FAM13A: variants seen among roughly 807,000 people sequenced by gnomAD.
The protein encoded by FAM13A is protein FAM13A.
A neutral mutation model predicts 129.6 loss-of-function variants in FAM13A; 76 were observed. The ratio of observed to expected loss-of-function variants is 0.59; its 90% CI spans 0.49 to 0.71. The LOEUF is 0.71. FAM13A is among the 30% of genes least tolerant of loss of function. FAM13A has a pLI of 0.00. For synonymous variants in FAM13A, 443 were observed against 449.9 expected, an observed-to-expected ratio of 0.98 and a Z score of 0.20; for missense variants, 1,108 against 1,249.3, an observed-to-expected ratio of 0.89 and a Z score of 1.70.
At chr4:88,981,125 T>C (rs956322997) in intron 4 of FAM13A, among the ~76,000 whole-genome samples, 1 of 148,648 alleles carries the variant, frequency 6.7e-6, no homozygotes. Flanking sequence ...TTTCAAGGAA[T>C]AGAATTAATT....
intron 11 of FAM13A, 65 bp downstream of exon 11, chr4:88,781,100 A>G (rs1037465238): frequency 1.9e-5 from 22 of 1,164,962 alleles, no homozygotes; most frequent in Non-Finnish European, 2.5e-5. Context: ...TAATTTTTTT[A>G]CAAAGCAAAG....
At chr4:89,029,313 T>G (rs987160505) in intron 2 of FAM13A, 147 bp downstream of exon 2, 27 of 662,206 alleles carry the variant, frequency 4.1e-5, no homozygotes, top group Non-Finnish European at 6.6e-5. Flanking sequence ...CTTTTTTAAA[T>G]GAAAAGTATA....
At chr4:88,871,170 T>C (rs982105115) in intron 6 of FAM13A, among the ~76,000 whole-genome samples, 13 of 152,108 alleles carry the variant, frequency 8.5e-5, no homozygotes, top group Admixed American at 7.2e-4. Context: ...CAAAGGTAGA[T>C]AAAACCACAA....
chr4:89,021,303 T>TA (rs1560833721), intron 2 of FAM13A, among the ~76,000 whole-genome samples: 1 of 152,224 alleles, frequency 6.6e-6, no homozygotes, highest in African/African-American at 2.4e-5. Context: ...CTGGAGCTGT[T>TA]ACGCTGTGAA....
intron 10 of FAM13A, among the ~76,000 whole-genome samples, chr4:88,782,526 C>T (rs1427261292): frequency 6.6e-6 from 1 of 152,038 alleles, no homozygotes; most frequent in Non-Finnish European, 1.5e-5. Context: ...TGAAAGATAA[C>T]ATTAAATATT....
intron 11 of FAM13A, among the ~76,000 whole-genome samples, chr4:88,780,392 A>AT: frequency 6.6e-6 from 1 of 152,138 alleles, no homozygotes; most frequent in Non-Finnish European, 1.5e-5. Flanking sequence ...GATATTGCCT[A>AT]TTTTTATTAG....
At chr4:88,765,547 T>C (rs112157983) in intron 13 of FAM13A, among the ~76,000 whole-genome samples, 2,146 of 152,324 alleles carry the variant, frequency 0.014, 41 homozygotes, top group African/African-American at 0.049. Flanking sequence ...GTGTAAGTTT[T>C]AGGAAGGACT....
Position 88,887,615 on chromosome 4 carries a change from T to C in FAM13A, c.843+18764A>G, listed in dbSNP as rs139771721. Among the ~76,000 whole-genome samples the C allele has an allele frequency of 3.7e-3, 557 of 151,780 alleles. 5 individuals are homozygous for C. The highest frequency in any genetic ancestry group is 0.018 in the Admixed American group (272 of 15,240). ...GCATGATCTCAGCTCACTGCAGCCTTTGCCTCGAGGGATCAAGTGATTCTC... is the reference window on the plus strand; with the variant it reads ...GCATGATCTCAGCTCACTGCAGCCTCTGCCTCGAGGGATCAAGTGATTCTC... On this transcript the variant is annotated intron_variant, in intron 6 of 23. Transcript: ENST00000264344.
intron 13 of FAM13A, among the ~76,000 whole-genome samples, chr4:88,766,874 T>C (rs1474542136): frequency 6.6e-6 from 1 of 152,092 alleles, no homozygotes; most frequent in African/African-American, 2.4e-5. Flanking sequence ...ACTGATAAGA[T>C]TGAAGGTGGA....
chr4:89,042,751 TTA>T (rs578201920), intron 1 of FAM13A, among the ~76,000 whole-genome samples: 50 of 98,108 alleles, frequency 5.1e-4, no homozygotes, highest in African/African-American at 1.8e-3. Context: ...AAATTTCTCT[TTA>T]TGTTTTTTTC....
chr4:88,728,377 G>T lies in FAM13A; in HGVS notation c.*156C>A. ...CTTCTTCCAGCCAGTTTCTAAGGCA[G>T]GCAATGGAAACAGGAGCCGATGCCA... On this transcript the variant is annotated 3_prime_UTR_variant, in exon 24 of 24. Transcript: ENST00000264344. 3 of 806,996 alleles carry T rather than the reference G, an allele frequency of 3.7e-6. No homozygotes were observed. The highest frequency in any genetic ancestry group is 5.8e-6 in the Non-Finnish European group (3 of 515,380). The allele number at this position is 806,996 out of a possible 1,614,324, so 50.0% of individuals were successfully genotyped here.
At chr4:88,931,567 A>T (rs1270634014) in intron 5 of FAM13A, among the ~76,000 whole-genome samples, 1 of 152,094 alleles carries the variant, frequency 6.6e-6, no homozygotes, top group Non-Finnish European at 1.5e-5. Context: ...AATCTGTTCA[A>T]AATGTATCTA....
intron 3 of FAM13A, among the ~76,000 whole-genome samples, chr4:89,015,108 T>C (rs1439906704): frequency 2.0e-5 from 3 of 152,188 alleles, no homozygotes; most frequent in Admixed American, 6.6e-5. Flanking sequence ...TGGTCTCCTG[T>C]AGCGCTCCCA....
chr4:88,809,809 G>A (rs1729292340), intron 7 of FAM13A, among the ~76,000 whole-genome samples: 1 of 150,428 alleles, frequency 6.6e-6, no homozygotes, highest in South Asian at 2.1e-4. Flanking sequence ...CTGTTCTGTT[G>A]CTTAGGTTTT....
At chr4:88,758,573 GCAA>G (rs1744171898) in intron 14 of FAM13A, among the ~76,000 whole-genome samples, 178 bp downstream of exon 14, 1 of 152,122 alleles carries the variant, frequency 6.6e-6, no homozygotes, top group African/African-American at 2.4e-5. Flanking sequence ...ACTGCCCTCA[GCAA>G]CATTTACCCT....
At position 88,876,686 on chromosome 4, in the gene FAM13A, A is replaced by G. The variant is rs535669918; in HGVS notation, c.844-25503T>C. On this transcript the variant is annotated intron_variant, in intron 6 of 23. Coordinates refer to ENST00000264344, the MANE Select transcript of FAM13A (RefSeq NM_014883.4). ...GGCTCACTGCAAGCTCTGCCTCCCG[A>G]GTTCATGCCATTCTCCTGCCTCGGC... 6.0e-3 allele frequency among the ~76,000 whole-genome samples: 913 copies of G among 151,890 alleles called. 7 individuals are homozygous for G. Among genetic ancestry groups the G allele is most frequent in the Middle Eastern group, 0.034 (10 of 294 alleles).
At chr4:88,823,467 A>G (rs188147122) in intron 7 of FAM13A, 31 of 299,844 alleles carry the variant, frequency 1.0e-4, no homozygotes, top group African/African-American at 7.0e-4. Flanking sequence ...GAGCAGTTCC[A>G]CAGACAAGAT....
rs1211164038 is a variant in FAM13A at position 88,864,394 on chromosome 4, T to C, written c.844-13211A>G. 5.3e-5 allele frequency among the ~76,000 whole-genome samples: 8 copies of C among 152,288 alleles called. No homozygotes were observed. The East Asian group carries it at 1.4e-3, about 26-fold the overall frequency. On this transcript the variant is annotated intron_variant, in intron 6 of 23. Transcript: ENST00000264344. Reference sequence around the variant, plus strand: ...AATCAAGATGATTGCTAGCATTTCATTGTGTTTGTGATCTTATTTATTTAT... The same window carrying C: ...AATCAAGATGATTGCTAGCATTTCACTGTGTTTGTGATCTTATTTATTTAT...
chr4:88,989,430 C>T lies in FAM13A; in HGVS notation c.605+1543G>A, dbSNP rs532186442. 6.9e-3 allele frequency among the ~76,000 whole-genome samples: 1,045 copies of T among 152,124 alleles called. 8 individuals are homozygous for T. Among genetic ancestry groups the T allele is most frequent in the Non-Finnish European group, 0.012 (795 of 67,978 alleles). On this transcript the variant is annotated intron_variant, in intron 4 of 23. Coordinates refer to ENST00000264344, the MANE Select transcript of FAM13A (RefSeq NM_014883.4). ...CAGCCTGGGCAACATGGTGAAACCC[C>T]GTCTCTACAAAAAATACAAAAATTA... is the stretch of plus-strand genomic sequence containing the variant.
Sources: gnomAD v4.1 joint callset for allele counts (sites outside exome capture counted in the v4.1 genomes callset) on GRCh38, gnomAD v4.1.1 for gene constraint, MANE v1.5 for transcripts, NCBI Gene and HGNC (gene_info 2026-07-23, HGNC 2026-07-21) for gene names.